Variants in CLIC5 observed in about 807,000 individuals in gnomAD.
CLIC5 encodes the protein CLIC family member 5.
Under a neutral mutation model 24.7 loss-of-function variants are expected in CLIC5, and 20 were observed. The ratio of observed to expected loss-of-function variants is 0.81; its 90% CI spans 0.57 to 1.18. The LOEUF is 1.18. Ranked by LOEUF, CLIC5 falls within the 50% of genes most tolerant of loss-of-function variation. The probability of loss-of-function intolerance (pLI) is 0.00; values close to 1 mark genes in which losing one functional copy is unlikely to be tolerated. For missense variants in CLIC5, 341 were observed against 326.1 expected, an observed-to-expected ratio of 1.05 and a Z score of -0.35; for synonymous variants, 159 against 135.6, an observed-to-expected ratio of 1.17 and a Z score of -1.20.
At chr6:46,058,843 G>A (rs958075273) in intron 1 of CLIC5, among the ~76,000 whole-genome samples, 14 of 152,202 alleles carry the variant, frequency 9.2e-5, no homozygotes, top group Non-Finnish European at 1.8e-4. Flanking sequence ...TGCGATAACA[G>A]GTTGGCAGAA....
chr6:45,893,644 C>T (rs1046928201), downstream of CLIC5, among the ~76,000 whole-genome samples: 9 of 152,198 alleles, frequency 5.9e-5, no homozygotes, highest in Non-Finnish European at 1.0e-4. Flanking sequence ...GCCAAGAGCT[C>T]AATGAATTGT....
chr6:45,897,016 A>G (rs748571745), downstream of CLIC5, among the ~76,000 whole-genome samples: 1 of 152,224 alleles, frequency 6.6e-6, no homozygotes, highest in Non-Finnish European at 1.5e-5. Flanking sequence ...GATGAATTAC[A>G]GAACAGGAAA....
chr6:45,941,665 G>A lies in CLIC5; in HGVS notation c.300-12C>T, dbSNP rs1226312844. On this transcript the variant is annotated splice_polypyrimidine_tract_variant and intron_variant, in intron 3 of 5. Coordinates refer to ENST00000339561, the MANE Select transcript of CLIC5 (RefSeq NM_016929.5). ...CCAGTTTGGGGTACCTGGAATGGAG[G>A]ATGCAGTGTTCTGTGAATCAGTAGA... 1.9e-6 allele frequency: 3 copies of A among 1,598,132 alleles called. No homozygotes were observed. In the South Asian group the frequency reaches 3.3e-5, roughly 18 times the overall value.
the CLIC5 span, among the ~76,000 whole-genome samples, chr6:46,114,794 T>C: frequency 6.6e-6 from 1 of 152,192 alleles, no homozygotes; most frequent in African/African-American, 2.4e-5. Context: ...GGACAACTTG[T>C]ATAAATCTCT....
the CLIC5 span, among the ~76,000 whole-genome samples, chr6:46,113,181 C>T: frequency 3.3e-5 from 5 of 152,156 alleles, no homozygotes; most frequent in African/African-American, 1.2e-4. Context: ...TCCTGTGAGG[C>T]ACCATCAGCC....
rs188786596 is a variant in CLIC5 at position 45,995,470 on chromosome 6, G to C, written c.63+20010C>G. On this transcript the variant is annotated intron_variant, in intron 1 of 5. Transcript: ENST00000339561. ...GAACTCACAGTGTGATCTGCTTTAC[G>C]CAGGCCTCCCAAGGCTGGCCCAGCA... is the stretch of plus-strand genomic sequence containing the variant. 2.2e-4 allele frequency among the ~76,000 whole-genome samples: 33 copies of C among 152,272 alleles called. No homozygotes were observed. In the East Asian group the frequency reaches 6.0e-3, roughly 28 times the overall value.
chr6:45,984,234 T>C (rs1186297755), intron 1 of CLIC5, among the ~76,000 whole-genome samples: 2 of 152,188 alleles, frequency 1.3e-5, no homozygotes, highest in East Asian at 3.9e-4. Flanking sequence ...ATTGGTTCCT[T>C]GTGCTCAAGA....
chr6:46,003,952 A>G (rs530412374), intron 1 of CLIC5, among the ~76,000 whole-genome samples: 16 of 152,192 alleles, frequency 1.1e-4, no homozygotes, highest in South Asian at 4.1e-4. Flanking sequence ...CACCTGGTAT[A>G]TGAGAGGATT....
intron 1 of CLIC5, among the ~76,000 whole-genome samples, chr6:45,993,049 C>A (rs924504486): frequency 3.3e-5 from 5 of 152,178 alleles, no homozygotes; most frequent in Non-Finnish European, 5.9e-5. Flanking sequence ...ACCAAGAAAG[C>A]AGTTCTGGTC....
At chr6:45,947,001 C>T (rs935874479) in intron 3 of CLIC5, among the ~76,000 whole-genome samples, 5 of 152,288 alleles carry the variant, frequency 3.3e-5, no homozygotes, top group African/African-American at 1.2e-4. Context: ...CCTGGACCAG[C>T]GGGAGCAGAG....
At chr6:46,012,910 G>A (rs1181864187) in intron 1 of CLIC5, among the ~76,000 whole-genome samples, 1 of 152,192 alleles carries the variant, frequency 6.6e-6, no homozygotes, top group African/African-American at 2.4e-5. Context: ...AGTTGCTGAT[G>A]ATCAAATGAG....
chr6:45,936,765 G>A lies in CLIC5; in HGVS notation c.406+4782C>T, dbSNP rs115761915. Reference sequence around the variant, plus strand: ...GAAACACAGCATGTTTAGAAACACCGTCCTTATCCTTCTCCCCAAAACCAG... The same window carrying A: ...GAAACACAGCATGTTTAGAAACACCATCCTTATCCTTCTCCCCAAAACCAG... On this transcript the variant is annotated intron_variant, in intron 4 of 5. Transcript: ENST00000339561. Among the ~76,000 whole-genome samples, 450 of 152,186 alleles carry A rather than the reference G, an allele frequency of 3.0e-3. 2 individuals are homozygous for A. The highest frequency in any genetic ancestry group is 0.01 in the African/African-American group (420 of 41,514).
intron 1 of CLIC5, among the ~76,000 whole-genome samples, chr6:45,957,517 C>T (rs1764684958): frequency 6.6e-6 from 1 of 152,074 alleles, no homozygotes; most frequent in South Asian, 2.1e-4. Context: ...GGTAACAGGT[C>T]CTCCCCAGGT....
chr6:46,001,643 G>C (rs1296743991), intron 1 of CLIC5, among the ~76,000 whole-genome samples: 1 of 152,112 alleles, frequency 6.6e-6, no homozygotes, highest in Non-Finnish European at 1.5e-5. Context: ...TCAGTAAACA[G>C]CTGCCACATG....
chr6:45,927,275 C>A (rs1763537201), intron 4 of CLIC5, among the ~76,000 whole-genome samples: 1 of 152,154 alleles, frequency 6.6e-6, no homozygotes, highest in South Asian at 2.1e-4. Flanking sequence ...TGCTTCCTCA[C>A]AGAGACAGCT....
In CLIC5 at chr6:45,927,258, C is replaced by T. The variant is rs188156231; in HGVS notation, c.407-12849G>A. Among the ~76,000 whole-genome samples, 184 of 152,280 alleles carry T rather than the reference C, an allele frequency of 1.2e-3. 1 individual carries two copies. The highest frequency in any genetic ancestry group is 3.9e-3 in the African/African-American group (161 of 41,558). ...GGGTGACAATGATGAAGGAGGCACA[C>T]CCAGCATGCTTCCTCACAGAGACAG... On this transcript the variant is annotated intron_variant, in intron 4 of 5. Transcript: ENST00000339561.
intron 1 of CLIC5, among the ~76,000 whole-genome samples, chr6:45,993,584 C>CCCCTCCCT (rs59821639): frequency 6.6e-6 from 1 of 151,830 alleles, no homozygotes; most frequent in East Asian, 1.9e-4. Flanking sequence ...GGAGAGAAAA[C>CCCCTCCCT]CCCTCTCTTG....
rs1190827103 is a variant in CLIC5, at chr6:46,039,397, AC to A, written c.540+40305del. Among the ~76,000 whole-genome samples, 3 of 149,188 alleles carry A rather than the reference AC, an allele frequency of 2.0e-5. No individual in the cohort carries two copies. The South Asian group carries it at 6.4e-4, about 32-fold the overall frequency. On this transcript the variant is annotated intron_variant, in intron 1 of 5. Coordinates refer to the CLIC5 transcript ENST00000185206. ...AATAAGAACTTATTACATTAAAAAAACCAGATATACATAGGCAAGAAGTGAT... is the reference window on the plus strand; with the variant it reads ...AATAAGAACTTATTACATTAAAAAAACAGATATACATAGGCAAGAAGTGAT...
At chr6:45,931,573 G>A (rs57511523) in intron 4 of CLIC5, among the ~76,000 whole-genome samples, 2 of 152,130 alleles carry the variant, frequency 1.3e-5, no homozygotes, top group African/African-American at 2.4e-5. Context: ...GTGAAATCAG[G>A]CAATGTCTTA....
Sources: gnomAD v4.1 joint callset for allele counts (sites outside exome capture counted in the v4.1 genomes callset) on GRCh38, gnomAD v4.1.1 for gene constraint, MANE v1.5 for transcripts, NCBI Gene and HGNC (gene_info 2026-07-23, HGNC 2026-07-21) for gene names.